CATSPERB: variants seen among roughly 807,000 people sequenced by gnomAD.
CATSPERB encodes cation channel sperm-associated auxiliary subunit beta.
Under a neutral mutation model 128.3 loss-of-function variants are expected in CATSPERB, and 93 were observed. The ratio of observed to expected loss-of-function variants is 0.72; its 90% confidence interval spans 0.61 to 0.86. CATSPERB has a LOEUF of 0.86. Ranked by LOEUF, CATSPERB falls within the 40% of genes least tolerant of loss-of-function variation. The pLI is 0.00. For missense variants in CATSPERB, 1,153 were observed against 1,329.5 expected, an observed-to-expected ratio of 0.87 and a Z score of 2.06; for synonymous variants, 381 against 448.8, an observed-to-expected ratio of 0.85 and a Z score of 1.91.
chr14:91,724,044 G>A (rs1896079060), intron 3 of CATSPERB, among the ~76,000 whole-genome samples: 1 of 152,150 alleles, frequency 6.6e-6, no homozygotes, highest in South Asian at 2.1e-4. Flanking sequence ...TTTCCTCACA[G>A]AAGATTAAAT....
chr14:91,595,183 T>C (rs1893481491), intron 22 of CATSPERB, among the ~76,000 whole-genome samples: 1 of 152,134 alleles, frequency 6.6e-6, no homozygotes, highest in African/African-American at 2.4e-5. Flanking sequence ...TGCTTTATTA[T>C]ACTTGGCCTA....
In CATSPERB at chr14:91,621,797, T is replaced by C; in HGVS notation, c.2071A>G (p.Met691Val). The C allele has an allele frequency of 1.2e-6, 2 of 1,614,198 alleles. No homozygotes were observed. Among genetic ancestry groups the C allele is most frequent in the Non-Finnish European group, 1.7e-6 (2 of 1,180,024 alleles). The change falls in exon 19 of 27, where the codon ATG (methionine) becomes GTG (valine). Residue 691 changes from methionine to valine, a missense_variant. Physicochemically the swap from Met to Val is conservative, Grantham distance 21. Coordinates refer to ENST00000256343, the MANE Select transcript of CATSPERB (RefSeq NM_024764.4). ...ATMPESAPNN[M>V]TFLKSTWFLY... ...AACCATGTGCTCTTTAGAAAGGTCA[T>C]ATTGTTGGGTGCACTTTCAGGCATG... is the stretch of plus-strand genomic sequence containing the variant.
intron 10 of CATSPERB, among the ~76,000 whole-genome samples, chr14:91,686,733 T>C (rs1157177495): frequency 6.6e-6 from 1 of 152,230 alleles, no homozygotes; most frequent in Non-Finnish European, 1.5e-5. Flanking sequence ...ATTTATCCCT[T>C]GATCTCCCAA....
intron 20 of CATSPERB, among the ~76,000 whole-genome samples, chr14:91,611,412 C>T (rs1361657644): frequency 1.3e-5 from 2 of 152,126 alleles, no homozygotes; most frequent in African/African-American, 4.8e-5. Flanking sequence ...GAGTTCAAGA[C>T]CAGCCTGGCC....
chr14:91,688,784 T>C (rs148267789), intron 10 of CATSPERB, among the ~76,000 whole-genome samples: 84 of 152,338 alleles, frequency 5.5e-4, no homozygotes, highest in African/African-American at 1.7e-3. Context: ...TGAAGCTCTT[T>C]ATTGATATTG....
In CATSPERB at chr14:91,704,633, C is replaced by T; in HGVS notation, c.535G>A (p.Val179Met). 6.2e-7 allele frequency: 1 copy of T among 1,613,890 alleles called. No homozygotes were observed. Among genetic ancestry groups the T allele is most frequent in the East Asian group, 2.2e-5 (1 of 44,868 alleles). Residue 179 changes from valine (V) to methionine (M), a missense_variant, in exon 7 of 27, where the codon GTG becomes ATG. Coordinates refer to ENST00000256343, the MANE Select transcript of CATSPERB (RefSeq NM_024764.4). ...ESEISKLYPH[V>M]VDLKVTKCPC... is the part of the protein sequence containing the mutation. ...CATTTTGTCACTTTGAGATCTACCACATGTGGATATAATTTACTGATTTCA... is the reference window on the plus strand; with the variant it reads ...CATTTTGTCACTTTGAGATCTACCATATGTGGATATAATTTACTGATTTCA...
intron 22 of CATSPERB, among the ~76,000 whole-genome samples, chr14:91,607,669 A>G (rs924868564): frequency 1.3e-5 from 2 of 152,108 alleles, no homozygotes; most frequent in Non-Finnish European, 2.9e-5. Context: ...CTAAAGAAAC[A>G]CCAATTTTAT....
intron 18 of CATSPERB, 102 bp from the exon 19 acceptor site, chr14:91,622,039 A>T: frequency 1.4e-6 from 1 of 722,812 alleles, no homozygotes; most frequent in South Asian, 2.4e-5. Context: ...GAGTTTTTAA[A>T]CTATCTCTTA....
intron 13 of CATSPERB, 31 bp from the exon 14 acceptor site, chr14:91,670,003 G>A: frequency 1.3e-6 from 2 of 1,590,482 alleles, no homozygotes; most frequent in Non-Finnish European, 1.7e-6. Context: ...CAAGTCATAA[G>A]ACTAGTCTGT....
At chr14:91,592,283 C>G in intron 22 of CATSPERB, 1 of 413,622 alleles carries the variant, frequency 2.4e-6, no homozygotes, top group Non-Finnish European at 4.4e-6. Context: ...ATTCTGAATT[C>G]TGCATCCCAG....
rs138057900 is a variant in CATSPERB, at chr14:91,712,908, G to A, written c.371-4672C>T. Among the ~76,000 whole-genome samples, 339 of 152,292 alleles carry A rather than the reference G, an allele frequency of 2.2e-3. 2 individuals carry two copies. The highest frequency in any genetic ancestry group is 7.2e-3 in the African/African-American group (301 of 41,550). ...CAGAGAAAACCTACGCAGACATGGG[G>A]AGAACACGAGCACTCCACACAGACA... On this transcript the variant is annotated intron_variant, in intron 5 of 26. Coordinates refer to ENST00000256343, the MANE Select transcript of CATSPERB (RefSeq NM_024764.4).
At chr14:91,708,829 A>T (rs1895781956) in intron 5 of CATSPERB, among the ~76,000 whole-genome samples, 1 of 152,256 alleles carries the variant, frequency 6.6e-6, no homozygotes, top group Non-Finnish European at 1.5e-5. Context: ...ATCAGGTGTA[A>T]AAATCAAGAT....
chr14:91,695,319 C>T (rs558767209), intron 7 of CATSPERB, among the ~76,000 whole-genome samples: 1 of 152,038 alleles, frequency 6.6e-6, no homozygotes, highest in South Asian at 2.1e-4. Flanking sequence ...TTGGTAGGGA[C>T]AGGGTTTTGC....
intron 5 of CATSPERB, among the ~76,000 whole-genome samples, chr14:91,718,855 T>C (rs1434121421): frequency 2.0e-5 from 3 of 152,180 alleles, no homozygotes; most frequent in Non-Finnish European, 4.4e-5. Context: ...GCACCTATCA[T>C]ATTAAAACAA....
At chr14:91,676,960 C>T (rs539543110) in intron 11 of CATSPERB, among the ~76,000 whole-genome samples, 2 of 152,294 alleles carry the variant, frequency 1.3e-5, no homozygotes, top group South Asian at 4.1e-4. Context: ...CTGAGAAAAA[C>T]AAGCAATGGG....
At chr14:91,603,839 G>T (rs997299514) in intron 22 of CATSPERB, among the ~76,000 whole-genome samples, 3 of 152,112 alleles carry the variant, frequency 2.0e-5, no homozygotes, top group Admixed American at 6.5e-5. Flanking sequence ...GTGAGAGACT[G>T]CCCCCATCAT....
chr14:91,674,778 G>A (rs995794315), intron 11 of CATSPERB, among the ~76,000 whole-genome samples: 3 of 152,098 alleles, frequency 2.0e-5, no homozygotes, highest in African/African-American at 7.2e-5. Flanking sequence ...TTACCTCAAG[G>A]AGGTTAGTCT....
chr14:91,636,001 G>A (rs1894367246), intron 17 of CATSPERB: 1 of 156,676 alleles, frequency 6.4e-6, no homozygotes, highest in African/African-American at 2.4e-5. Context: ...ATTTGGCCTT[G>A]TGGGGTGTCA....
At position 91,639,378 on chromosome 14, in the gene CATSPERB, T is replaced by G. The variant is rs1381334010; in HGVS notation, c.1433-128A>C. Reference sequence around the variant, plus strand: ...GAAGTAGGGCCCTGAGACTCCTGAATTAGGAAAATGCATGTTAGTTTTTGT... The same window carrying G: ...GAAGTAGGGCCCTGAGACTCCTGAAGTAGGAAAATGCATGTTAGTTTTTGT... On this transcript the variant is annotated intron_variant, in intron 15 of 26. Transcript: ENST00000256343. The G allele has an allele frequency of 1.3e-5, 9 of 712,890 alleles. 1 individual carries two copies. The Admixed American group carries it at 2.4e-4, about 19-fold the overall frequency. 44.2% of individuals were successfully genotyped at this position (712,890 alleles called of 1,614,324 possible). A position where few individuals can be genotyped will look rare whatever the true frequency, so the allele number is the denominator to read the frequency against.
Sources: gnomAD v4.1 joint callset for allele counts (sites outside exome capture counted in the v4.1 genomes callset) on GRCh38, gnomAD v4.1.1 for gene constraint, MANE v1.5 for transcripts, NCBI Gene and HGNC (gene_info 2026-07-23, HGNC 2026-07-21) for gene names.